Variants in DNAH11 observed in about 807,000 individuals in gnomAD.
DNAH11 encodes axonemal beta dynein heavy chain 11.
A neutral mutation model predicts 526.0 loss-of-function variants in DNAH11; 442 were observed. That is an observed-to-expected ratio of 0.84 (90% CI 0.78 to 0.91). The LOEUF is 0.91. Among genes scored for constraint, DNAH11 ranks in the 40% least tolerant of loss-of-function variants. The pLI is 0.00. For missense variants in DNAH11, 6,989 were observed against 5,448.7 expected, an observed-to-expected ratio of 1.28 and a Z score of -8.90; for synonymous variants, 2,461 against 1,935.9, an observed-to-expected ratio of 1.27 and a Z score of -7.12.
chr7:21,580,602 A>T (rs184002666), intron 8 of DNAH11, among the ~76,000 whole-genome samples: 1 of 152,294 alleles, frequency 6.6e-6, no homozygotes, highest in African/African-American at 2.4e-5. Flanking sequence ...CCGCAGGTTC[A>T]GTGTCTGGGG....
Position 21,894,561 on chromosome 7 carries a change from C to T in DNAH11, c.12751-62C>T, listed in dbSNP as rs546275573. 1.0e-5 allele frequency: 16 copies of T among 1,534,424 alleles called. No individual in the cohort carries two copies. The African/African-American group carries it at 1.8e-4, about 17-fold the overall frequency. On this transcript the variant is annotated intron_variant, in intron 77 of 81. Transcript: ENST00000409508. ...GTAACTTCAAAAAGTAGAGGATATA[C>T]ACAGTCACCATGACGAAAACTGAAA...
chr7:21,591,609 A>C (rs1784692797), intron 14 of DNAH11, 32 bp downstream of exon 14: 12 of 1,497,626 alleles, frequency 8.0e-6, no homozygotes, highest in Non-Finnish European at 9.8e-6. Context: ...AGATTTATAG[A>C]TCTTTTCATT....
rs1003575600 is a variant in DNAH11 at position 21,591,541 on chromosome 7, C to G, written c.2631C>G (p.Ile877Met). Residue 877 changes from isoleucine to methionine, a missense_variant, in exon 14 of 82, where the codon ATC (isoleucine) becomes ATG (methionine). Physicochemically the swap from Ile to Met is conservative, Grantham distance 10. Transcript: ENST00000409508. Reference sequence around the variant, plus strand: ...TGTTTACAAAAAAATACAAGTTAATCCAAGGAGATGGCTGCAAGATCCACA... The same window carrying G: ...TGTTTACAAAAAAATACAAGTTAATGCAAGGAGATGGCTGCAAGATCCACA... ...GDLFTKKYKL[I>M]QGDGCKIHNL... 6.3e-7 allele frequency: 1 copy of G among 1,586,666 alleles called. No homozygotes were observed. Among genetic ancestry groups the G allele is most frequent in the East Asian group, 2.3e-5 (1 of 44,394 alleles).
Position 21,873,399 on chromosome 7 carries a change from T to A in DNAH11, c.12093T>A (p.His4031Gln), listed in dbSNP as rs1783574109. Residue 4031 changes from histidine to glutamine, a missense_variant, in exon 74 of 82, where the codon CAT becomes CAA. Transcript: ENST00000409508. ...SAESAPTPDE[H>Q]IIPQGLLENS... ...AGTCTGCACCTACACCAGATGAGCATATCATCCCTCAAGGACTCCTGGAAA... is the reference window on the plus strand; with the variant it reads ...AGTCTGCACCTACACCAGATGAGCAAATCATCCCTCAAGGACTCCTGGAAA... 1 of 1,613,992 alleles carries A rather than the reference T, an allele frequency of 6.2e-7. No individual in the cohort carries two copies.
At chr7:21,869,073 T>G in intron 73 of DNAH11, 82 bp downstream of exon 73, 1 of 1,581,194 alleles carries the variant, frequency 6.3e-7, no homozygotes, top group Non-Finnish European at 8.6e-7. Context: ...AACAGAATGC[T>G]CCCTTAACAC....
chr7:21,723,361 A>G (rs1784956456), intron 44 of DNAH11, among the ~76,000 whole-genome samples: 1 of 152,248 alleles, frequency 6.6e-6, no homozygotes, highest in Non-Finnish European at 1.5e-5. Context: ...TGTCTAAGCC[A>G]GGTTCAAACA....
At chr7:21,652,858 G>GT (rs75666149) in intron 28 of DNAH11, among the ~76,000 whole-genome samples, 4,595 of 151,850 alleles carry the variant, frequency 0.03, 277 homozygotes, top group Admixed American at 0.15. Flanking sequence ...CGAAGTATTA[G>GT]TTTTTTTTAA....
chr7:21,680,011 T>C (rs1783072724), intron 30 of DNAH11, among the ~76,000 whole-genome samples: 1 of 152,216 alleles, frequency 6.6e-6, no homozygotes, highest in South Asian at 2.1e-4. Context: ...TGCAATGAGA[T>C]CAGCAACGTG....
chr7:21,863,594 G>C (rs189364252), intron 69 of DNAH11, among the ~76,000 whole-genome samples: 1 of 152,190 alleles, frequency 6.6e-6, no homozygotes, highest in Non-Finnish European at 1.5e-5. Flanking sequence ...CGAAAGTGCT[G>C]GGATTACAGG....
chr7:21,826,262 A>G (rs1245271312), intron 65 of DNAH11, among the ~76,000 whole-genome samples: 1 of 152,158 alleles, frequency 6.6e-6, no homozygotes, highest in Non-Finnish European at 1.5e-5. Flanking sequence ...CAAAATAAAG[A>G]CTTTCTTATT....
At chr7:21,611,533 C>A (rs1168262686) in intron 20 of DNAH11, among the ~76,000 whole-genome samples, 1 of 152,170 alleles carries the variant, frequency 6.6e-6, no homozygotes, top group Non-Finnish European at 1.5e-5. Flanking sequence ...GACTAATACA[C>A]TGGTCAAAAC....
chr7:21,824,591 TA>T (rs1408700725), intron 65 of DNAH11, among the ~76,000 whole-genome samples: 1 of 152,052 alleles, frequency 6.6e-6, no homozygotes, highest in African/African-American at 2.4e-5. Flanking sequence ...AAATAGTCAA[TA>T]AGCACATGAA....
chr7:21,579,402 A>G (rs975709962), intron 8 of DNAH11, among the ~76,000 whole-genome samples: 2 of 152,228 alleles, frequency 1.3e-5, no homozygotes, highest in Non-Finnish European at 2.9e-5. Context: ...GGGAGAATGT[A>G]GACAGGCAGT....
In DNAH11 at chr7:21,779,091, C is replaced by T; in HGVS notation, c.9470C>T (p.Ala3157Val). Residue 3157 changes from alanine to valine, a missense_variant, in exon 57 of 82, where the codon GCT becomes GTT. By Grantham distance (64) the Ala-to-Val change is moderately conservative. Transcript: ENST00000409508. Reference protein sequence around the residue: ...KVSREKTIADAEERKVTAIQT... With the variant: ...KVSREKTIADVEERKVTAIQT... ...AGCCGGGAAAAGACCATCGCTGATG[C>T]TGAGGAGCGAAAGGTCAGGCTAATT... 3 of 1,612,524 alleles carry T rather than the reference C, an allele frequency of 1.9e-6. 1 individual carries two copies. The highest frequency in any genetic ancestry group is 2.2e-5 in the East Asian group (1 of 44,834).
At chr7:21,873,603 C>G (rs921316372) in intron 74 of DNAH11, 102 bp downstream of exon 74, 7 of 1,153,550 alleles carry the variant, frequency 6.1e-6, no homozygotes, top group Non-Finnish European at 8.8e-6. Flanking sequence ...AGGGATGAAG[C>G]AAGTTCTTAA....
chr7:21,766,263 G>C (rs1787181278), intron 55 of DNAH11, among the ~76,000 whole-genome samples: 2 of 152,174 alleles, frequency 1.3e-5, no homozygotes, highest in African/African-American at 4.8e-5. Context: ...GAGGGAAAAA[G>C]GATGTAGATA....
intron 65 of DNAH11, among the ~76,000 whole-genome samples, chr7:21,824,478 AT>A (rs1269754622): frequency 6.6e-6 from 1 of 152,118 alleles, no homozygotes. Context: ...ATAAATATGT[AT>A]TTAGTCAAGT....
intron 28 of DNAH11, among the ~76,000 whole-genome samples, chr7:21,655,067 TCCCCCCCCAC>T (rs1277051069): frequency 2.0e-5 from 3 of 151,084 alleles, no homozygotes; most frequent in Non-Finnish European, 4.4e-5. Flanking sequence ...TTGTTGGTTT[TCCCCCCCCAC>T]CCCCAAATTG....
intron 22 of DNAH11, 29 bp from the exon 23 acceptor site, chr7:21,617,590 G>T: frequency 1.2e-6 from 2 of 1,612,382 alleles, no homozygotes; most frequent in Non-Finnish European, 1.7e-6. Flanking sequence ...TATCTTGGGA[G>T]CTAGGTTTTT....
Sources: gnomAD v4.1 joint callset for allele counts (sites outside exome capture counted in the v4.1 genomes callset) on GRCh38, gnomAD v4.1.1 for gene constraint, MANE v1.5 for transcripts, NCBI Gene and HGNC (gene_info 2026-07-23, HGNC 2026-07-21) for gene names.